The following ENTPD7 variants were observed in gnomAD, a reference collection of about 807,000 sequenced individuals.
ENTPD7 encodes ectonucleoside triphosphate diphosphohydrolase 7, also known as NTPDase 7.
A neutral mutation model predicts 77.9 loss-of-function variants in ENTPD7; 53 were observed. The ratio of observed to expected loss-of-function variants is 0.68; its 90% CI spans 0.55 to 0.85. The LOEUF is 0.85. Among genes scored for constraint, ENTPD7 ranks in the 40% least tolerant of loss-of-function variants. The pLI, the probability that ENTPD7 is intolerant of heterozygous loss-of-function variation, is 0.00. For synonymous variants in ENTPD7, 248 were observed against 274.9 expected (o/e 0.90, Z 0.97); for missense variants, 636 against 743.7 (o/e 0.86, Z 1.68).
chr10:99,701,462 A>AT lies in ENTPD7; in HGVS notation c.1421+411dup, dbSNP rs1403241135. On this transcript the variant is annotated intron_variant, in intron 11 of 12. Transcript: ENST00000370489. ...GCCACCATGCCTGGCCAATTTTTGT[A>AT]TTTTTTTGTAGAGACGGGGTTTCGC... is the stretch of plus-strand genomic sequence containing the variant. 2.6e-5 allele frequency among the ~76,000 whole-genome samples: 4 copies of AT among 151,174 alleles called. No individual in the cohort carries two copies. In the East Asian group the frequency reaches 7.9e-4, roughly 30 times the overall value.
chr10:99,696,910 C>G (rs1284743082), intron 9 of ENTPD7, among the ~76,000 whole-genome samples: 1 of 152,004 alleles, frequency 6.6e-6, no homozygotes, highest in African/African-American at 2.4e-5. Context: ...GAGGGTCTAG[C>G]CTAGGTAACC....
intron 5 of ENTPD7, among the ~76,000 whole-genome samples, chr10:99,683,673 G>A (rs2035779628): frequency 1.3e-5 from 2 of 152,078 alleles, no homozygotes; most frequent in African/African-American, 4.8e-5. Flanking sequence ...AATGATTTGG[G>A]TTTTTGTTTT....
intron 12 of ENTPD7, among the ~76,000 whole-genome samples, chr10:99,703,621 T>C (rs559546501): frequency 6.6e-6 from 1 of 152,358 alleles, no homozygotes; most frequent in East Asian, 1.9e-4. Context: ...ACACTTGGTT[T>C]TCATATCGCC....
intron 6 of ENTPD7, among the ~76,000 whole-genome samples, chr10:99,688,267 C>G (rs1035392586): frequency 1.3e-5 from 2 of 152,082 alleles, no homozygotes; most frequent in African/African-American, 4.8e-5. Flanking sequence ...TAGTTTAAAC[C>G]CTGGTCTCTT....
intron 2 of ENTPD7, 68 bp downstream of exon 2, chr10:99,660,032 G>T (rs2035457923): frequency 1.2e-6 from 2 of 1,611,526 alleles, no homozygotes; most frequent in South Asian, 2.2e-5. Context: ...GGGGGGCCCT[G>T]GGAGGCTGTC....
At chr10:99,689,768 A>G (rs993873454) in intron 7 of ENTPD7, among the ~76,000 whole-genome samples, 6 of 152,206 alleles carry the variant, frequency 3.9e-5, no homozygotes, top group South Asian at 2.1e-4. Context: ...GCCAATTGTG[A>G]TCATTGCTTG....
chr10:99,675,021 T>G (rs1480136740), intron 3 of ENTPD7, among the ~76,000 whole-genome samples: 2 of 152,228 alleles, frequency 1.3e-5, no homozygotes, highest in African/African-American at 4.8e-5. Flanking sequence ...ACTTGGGCAG[T>G]TTTTTGAATT....
intron 7 of ENTPD7, among the ~76,000 whole-genome samples, chr10:99,689,673 C>A (rs1306100186): frequency 6.6e-6 from 1 of 152,178 alleles, no homozygotes; most frequent in Admixed American, 6.5e-5. Context: ...TCAGACTGAT[C>A]AGGTATTGAG....
intron 3 of ENTPD7, among the ~76,000 whole-genome samples, chr10:99,669,055 T>G (rs1156969699): frequency 6.7e-6 from 1 of 150,216 alleles, no homozygotes; most frequent in Non-Finnish European, 1.5e-5. Flanking sequence ...TTTTTTTTTT[T>G]TTTGTAGAGA....
intron 8 of ENTPD7, among the ~76,000 whole-genome samples, chr10:99,693,973 T>C (rs995993946): frequency 6.6e-5 from 10 of 151,806 alleles, no homozygotes; most frequent in Non-Finnish European, 1.3e-4. Context: ...TCAAGATGAA[T>C]CTTAGTGCTT....
chr10:99,704,659 G>A lies in ENTPD7; in HGVS notation c.1791G>A (p.Met597Ile), dbSNP rs1256442141. The A allele has an allele frequency of 1.9e-6, 3 of 1,613,936 alleles. No individual in the cohort carries two copies. Among genetic ancestry groups the A allele is most frequent in the Non-Finnish European group, 8.5e-7 (1 of 1,179,948 alleles). ...TGTGGCTTGAAGAGGTGGTGCCCAT[G>A]ATGGGAGTACAGGTGGGGCCGTGAG... ...DLLWLEEVVP[M>I]MGVQVGP The change falls in exon 13 of 13, where the codon ATG (methionine) becomes ATA (isoleucine). Residue 597 changes from methionine to isoleucine, a missense_variant. Physicochemically the swap from Met to Ile is conservative, Grantham distance 10. Coordinates refer to ENST00000370489, the MANE Select transcript of ENTPD7 (RefSeq NM_020354.5).
intron 11 of ENTPD7, 42 bp downstream of exon 11, chr10:99,701,100 C>T (rs778679128): frequency 1.2e-5 from 18 of 1,465,408 alleles, no homozygotes; most frequent in Non-Finnish European, 1.7e-5. Flanking sequence ...GACTTAAAAT[C>T]TAGATGGCAG....
chr10:99,681,464 G>T (rs1227617327), intron 5 of ENTPD7, among the ~76,000 whole-genome samples: 1 of 151,452 alleles, frequency 6.6e-6, no homozygotes, highest in Non-Finnish European at 1.5e-5. Context: ...ATTTTTTTTT[G>T]TAGAGATGGG....
At chr10:99,679,491 G>A in intron 4 of ENTPD7, 25 bp downstream of exon 4, 1 of 1,589,286 alleles carries the variant, frequency 6.3e-7, no homozygotes, top group Non-Finnish European at 8.6e-7. Context: ...ATATTTTGTT[G>A]TCAGTCTCTT....
Position 99,688,788 on chromosome 10 carries a change from G to A in ENTPD7, c.709+38G>A, listed in dbSNP as rs190886590. 680 of 1,602,586 alleles carry A rather than the reference G, an allele frequency of 4.2e-4. 5 individuals are homozygous for A. In the African/African-American group the frequency reaches 8.0e-3, roughly 19 times the overall value. On this transcript the variant is annotated intron_variant, in intron 7 of 12. Transcript: ENST00000370489. ...GTCTTTTTATGACAGTTTACCTAAGGGCTGAAGATTTAAGTTATAACCTAT... is the reference window on the plus strand; with the variant it reads ...GTCTTTTTATGACAGTTTACCTAAGAGCTGAAGATTTAAGTTATAACCTAT...
At chr10:99,660,451 A>C (rs1401329985) in intron 2 of ENTPD7, 1 of 953,876 alleles carries the variant, frequency 1.0e-6, no homozygotes, top group Non-Finnish European at 1.5e-6. Flanking sequence ...GAAAGTTATA[A>C]AATAAAGTGG....
At chr10:99,701,433 A>G (rs531708588) in intron 11 of ENTPD7, among the ~76,000 whole-genome samples, 2 of 151,718 alleles carry the variant, frequency 1.3e-5, no homozygotes, top group African/African-American at 4.8e-5. Flanking sequence ...GACTATAGGC[A>G]CGTGCCACCA....
Position 99,698,713 on chromosome 10 carries a change from A to C in ENTPD7, c.1190A>C (p.Gln397Pro). 6.2e-7 allele frequency: 1 copy of C among 1,614,234 alleles called. No homozygotes were observed. Residue 397 changes from glutamine to proline, a missense_variant, in exon 10 of 13, where the codon CAG becomes CCG. This residue lies in a region of ENTPD7 where 486 missense variants were observed against 556.5 expected (regional missense o/e 0.87). Transcript: ENST00000370489. The stretch of plus-strand genomic sequence containing the variant: ...CTGCTGGCTCGCTCCAACACCAGCC[A>C]GGCCTCACTCAATGGCATATATCAA... ...SPLLARSNTS[Q>P]ASLNGIYQSP...
At position 99,709,858 on chromosome 10, in the gene ENTPD7, T is replaced by C; in HGVS notation, c.*5175T>C. On this transcript the variant is annotated 3_prime_UTR_variant, in exon 13 of 13. Coordinates refer to ENST00000370489, the MANE Select transcript of ENTPD7 (RefSeq NM_020354.5). ...CGTTATCAGAGGGACGAGGAAGGAATAACACACCAGTTGACCATTTTGTTT... is the reference window on the plus strand; with the variant it reads ...CGTTATCAGAGGGACGAGGAAGGAACAACACACCAGTTGACCATTTTGTTT... 3.0e-6 allele frequency: 3 copies of C among 985,412 alleles called. No individual in the cohort carries two copies. The highest frequency in any genetic ancestry group is 3.6e-6 in the Non-Finnish European group (3 of 829,892). 61.0% of individuals were successfully genotyped at this position (985,412 alleles called of 1,614,324 possible). A position where few individuals can be genotyped will look rare whatever the true frequency, so the allele number is the denominator to read the frequency against.
Sources: allele counts gnomAD v4.1 joint callset (sites outside exome capture counted in the v4.1 genomes callset), GRCh38; gene constraint gnomAD v4.1.1; regional missense constraint gnomAD v4.1.1; transcripts MANE v1.5; gene names NCBI Gene and HGNC (gene_info 2026-07-23, HGNC 2026-07-21).